NLRP4: variants seen among roughly 807,000 people sequenced by gnomAD.
The protein encoded by NLRP4 is NLR family pyrin domain containing 4, also known as NACHT, LRR and PYD domains-containing protein 4.
NLRP4 carries 44 observed loss-of-function variants against 84.7 expected under a neutral mutation model. The ratio of observed to expected loss-of-function variants is 0.52; its 90% CI spans 0.41 to 0.67. The LOEUF (loss-of-function observed/expected upper bound fraction) is 0.67, where lower values mean the gene tolerates loss of function less well. NLRP4 is among the 30% of genes least tolerant of loss of function. The pLI, the probability that NLRP4 is intolerant of heterozygous loss-of-function variation, is 0.00. For missense variants in NLRP4, 1,260 were observed against 1,219.4 expected (o/e 1.03, Z -0.50); for synonymous variants, 544 against 476.4 (o/e 1.14, Z -1.85).
chr19:55,851,379 G>A (rs547160883), intron 1 of NLRP4, among the ~76,000 whole-genome samples: 1 of 82,652 alleles, frequency 1.2e-5, no homozygotes, highest in Non-Finnish European at 2.0e-5. Context: ...CCGAGGCTGC[G>A]GTGTAATGTC....
At position 55,867,722 on chromosome 19, in the gene NLRP4, C is replaced by A. The variant is rs146436889; in HGVS notation, c.2200C>A (p.His734Asn). ...CCTTTCCTGCAGGCTGGTAAATTGTCACCTCTCACCCATTGATTGTGAAGT... is the reference window on the plus strand; with the variant it reads ...CCTTTCCTGCAGGCTGGTAAATTGTAACCTCTCACCCATTGATTGTGAAGT... Reference protein sequence around the residue: ...NVKELALVNCHLSPIDCEVLA... With the variant: ...NVKELALVNCNLSPIDCEVLA... The change falls in exon 6 of 10, where the codon CAC (histidine) becomes AAC (asparagine). Residue 734 changes from histidine to asparagine, a missense_variant. Transcript: ENST00000301295. The A allele has an allele frequency of 3.7e-6, 6 of 1,613,222 alleles. No homozygotes were observed. The highest frequency in any genetic ancestry group is 1.1e-5 in the South Asian group (1 of 90,908).
At chr19:55,841,473 G>T (rs1983611018) in intron 1 of NLRP4, among the ~76,000 whole-genome samples, 1 of 152,024 alleles carries the variant, frequency 6.6e-6, no homozygotes, top group Non-Finnish European at 1.5e-5. Flanking sequence ...ATTTTTTATG[G>T]CTAAATAATA....
chr19:55,867,839 G>T lies in NLRP4; in HGVS notation c.2317G>T (p.Ala773Ser). The change falls in exon 6 of 10, where the codon GCC becomes TCC. Residue 773 changes from alanine (A) to serine (S), a missense_variant. This residue lies in a region of NLRP4 where 544 missense variants were observed against 531.7 expected (regional missense o/e 1.02). Transcript: ENST00000301295. ...LDTGVPLLCEALCSPDTVLVY... is the reference protein window; with the variant it reads ...LDTGVPLLCESLCSPDTVLVY... ...CACAGGCGTGCCCCTTTTGTGTGAA[G>T]CCCTGTGCAGCCCAGACACGGTCCT... The T allele has an allele frequency of 6.2e-7, 1 of 1,614,158 alleles. No individual in the cohort carries two copies. Among genetic ancestry groups the T allele is most frequent in the Non-Finnish European group, 8.5e-7 (1 of 1,180,008 alleles).
At chr19:55,846,296 T>G (rs1247437329) in intron 1 of NLRP4, among the ~76,000 whole-genome samples, 1 of 152,210 alleles carries the variant, frequency 6.6e-6, no homozygotes, top group Non-Finnish European at 1.5e-5. Flanking sequence ...CCCCATTGCT[T>G]GTTTTTGTCA....
intron 8 of NLRP4, 54 bp downstream of exon 8, chr19:55,877,220 T>C (rs1399870164): frequency 6.6e-7 from 1 of 1,514,816 alleles, no homozygotes; most frequent in East Asian, 2.3e-5. Flanking sequence ...AGACGGAAAA[T>C]GGATGGGAAG....
rs142447077 is a variant in NLRP4 at position 55,857,969 on chromosome 19, A to G, written c.576A>G (p.Glu192=). 6.2e-7 allele frequency: 1 copy of G among 1,614,016 alleles called. No individual in the cohort carries two copies. Among genetic ancestry groups the G allele is most frequent in the African/African-American group, 1.3e-5 (1 of 74,916 alleles). Residue 192 remains glutamate, a synonymous_variant, in exon 3 of 10, where the codon GAA becomes GAG. Transcript: ENST00000301295. ...ACACGTTCTATTTCTGCTGCAGAGAACTGAGGGAGTTGCCGCCAACGAGTT... is the reference window on the plus strand; with the variant it reads ...ACACGTTCTATTTCTGCTGCAGAGAGCTGAGGGAGTTGCCGCCAACGAGTT... The part of the protein sequence containing the change: ...FLYTFYFCCR[E]LRELPPTSLA...
intron 1 of NLRP4, among the ~76,000 whole-genome samples, chr19:55,843,645 T>C (rs1483280677): frequency 6.6e-6 from 1 of 152,092 alleles, no homozygotes; most frequent in Admixed American, 6.6e-5. Context: ...TGAGCTAAGA[T>C]TGTGCCACTG....
At chr19:55,877,188 G>T in intron 8 of NLRP4, 22 bp downstream of exon 8, 2 of 1,609,002 alleles carry the variant, frequency 1.2e-6, no homozygotes, top group Non-Finnish European at 1.7e-6. Context: ...CAAGCTCCTG[G>T]TTATGTTTTC....
Position 55,850,116 on chromosome 19 carries a change from T to C in NLRP4, c.-65-1900T>C, listed in dbSNP as rs571426902. 2.2e-5 allele frequency among the ~76,000 whole-genome samples: 3 copies of C among 136,588 alleles called. 1 individual carries two copies. In the East Asian group the frequency reaches 6.7e-4, roughly 30 times the overall value. 89.6% of individuals were successfully genotyped at this position (136,588 alleles called of 152,430 possible). A position where few individuals can be genotyped will look rare whatever the true frequency, so the allele number is the denominator to read the frequency against. On this transcript the variant is annotated intron_variant, in intron 1 of 9. Transcript: ENST00000301295. ...GTGGCTGCGGTGTAATTACCGTAGC[T>C]GCGGTGTAATTTCCGTGGCTGCGGT...
At chr19:55,876,427 C>T (rs113722221) in intron 7 of NLRP4, among the ~76,000 whole-genome samples, 2,130 of 152,300 alleles carry the variant, frequency 0.014, 50 homozygotes, top group African/African-American at 0.049. Context: ...CAGCTCACTG[C>T]AATCTCTGCT....
chr19:55,850,232 TGGCTGCGGTGTAATTTCCGA>T lies in NLRP4; in HGVS notation c.-65-1749_-65-1730del, dbSNP rs1447473400. Among the ~76,000 whole-genome samples, 767 of 82,524 alleles carry T rather than the reference TGGCTGCGGTGTAATTTCCGA, an allele frequency of 9.3e-3. 12 individuals carry two copies. The highest frequency in any genetic ancestry group is 0.012 in the Non-Finnish European group (565 of 46,712). The allele number at this position is 82,524 out of a possible 152,430, so 54.1% of individuals were successfully genotyped here. A position where few individuals can be genotyped will look rare whatever the true frequency, so the allele number is the denominator to read the frequency against. On this transcript the variant is annotated intron_variant, in intron 1 of 9. Coordinates refer to ENST00000301295, the MANE Select transcript of NLRP4 (RefSeq NM_134444.5). ...TTCCGTGGCTGCGGTGTAATTTCCG[TGGCTGCGGTGTAATTTCCGA>T]GGCTGCGGTGTAATTTCCGAGGCTG...
chr19:55,856,561 G>A (rs1356496217), intron 2 of NLRP4, among the ~76,000 whole-genome samples: 1 of 131,396 alleles, frequency 7.6e-6, no homozygotes, highest in Admixed American at 8.9e-5. Context: ...TGTTGCCCAC[G>A]TTAGAGTACA....
chr19:55,875,743 AGTGGGCCAGGCGCGGT>A (rs972112402), intron 7 of NLRP4, among the ~76,000 whole-genome samples: 1 of 152,110 alleles, frequency 6.6e-6, no homozygotes, highest in African/African-American at 2.4e-5. Flanking sequence ...AAATATAAAA[AGTGGGCCAGGCGCGGT>A]GGCTCACGCC....
chr19:55,881,200 G>T (rs1043181228), intron 9 of NLRP4, among the ~76,000 whole-genome samples: 15 of 129,902 alleles, frequency 1.2e-4, no homozygotes, highest in Non-Finnish European at 1.8e-4. Context: ...GTGACAGCAA[G>T]TGGGCAGCTC....
intron 7 of NLRP4, among the ~76,000 whole-genome samples, chr19:55,872,252 C>G (rs942778953): frequency 6.6e-6 from 1 of 152,106 alleles, no homozygotes; most frequent in South Asian, 2.1e-4. Context: ...TAAACTAGTA[C>G]TGAACAGATG....
intron 2 of NLRP4, chr19:55,857,405 G>T: frequency 4.2e-6 from 2 of 478,100 alleles, no homozygotes; most frequent in Non-Finnish European, 7.3e-6. Context: ...AGGACCATAT[G>T]GTTTCCATTT....
At chr19:55,879,172 T>C (rs1390323241) in intron 9 of NLRP4, among the ~76,000 whole-genome samples, 1 of 152,096 alleles carries the variant, frequency 6.6e-6, no homozygotes, top group Admixed American at 6.5e-5. Context: ...ATGGAAACAC[T>C]TGTGAAGTGG....
At position 55,877,165 on chromosome 19, in the gene NLRP4, G is replaced by A. The variant is rs763503727; in HGVS notation, c.2695G>A (p.Gly899Arg). 4 of 1,613,158 alleles carry A rather than the reference G, an allele frequency of 2.5e-6. No individual in the cohort carries two copies. Among genetic ancestry groups the A allele is most frequent in the Non-Finnish European group, 3.4e-6 (4 of 1,179,258 alleles). ...TACGGATTGCCGCTTAGAGATTCTT[G>A]GGTGGGTATCGCCAAGCTCCTGGTT... is the stretch of plus-strand genomic sequence containing the variant. Reference protein sequence around the residue: ...THTDCRLEILGLEECGLTSTC... With the variant: ...THTDCRLEILRLEECGLTSTC... The change falls in exon 8 of 10, where the codon GGG (glycine) becomes AGG (arginine). Residue 899 changes from glycine (G) to arginine (R), a missense_variant and splice_region_variant. Gly to Arg is a moderately radical substitution (Grantham distance 125). Coordinates refer to ENST00000301295, the MANE Select transcript of NLRP4 (RefSeq NM_134444.5).
rs1158278908 is a variant in NLRP4, at chr19:55,850,260, G to A, written c.-65-1756G>A. Among the ~76,000 whole-genome samples, 3 of 137,234 alleles carry A rather than the reference G, an allele frequency of 2.2e-5. No individual in the cohort carries two copies. The East Asian group carries it at 6.5e-4, about 30-fold the overall frequency. The allele number at this position is 137,234 out of a possible 152,430, so 90.0% of individuals were successfully genotyped here. ...CTGCGGTGTAATTTCCGAGGCTGCG[G>A]TGTAATTTCCGAGGCTGCGGTGTAA... On this transcript the variant is annotated intron_variant, in intron 1 of 9. Coordinates refer to ENST00000301295, the MANE Select transcript of NLRP4 (RefSeq NM_134444.5).
Sources: allele counts gnomAD v4.1 joint callset (sites outside exome capture counted in the v4.1 genomes callset), GRCh38; gene constraint gnomAD v4.1.1; regional missense constraint gnomAD v4.1.1; transcripts MANE v1.5; gene names NCBI Gene and HGNC (gene_info 2026-07-23, HGNC 2026-07-21).